NBAS: variants seen among roughly 807,000 people sequenced by gnomAD.
NBAS encodes NAG/BC035112 fusion.
In NBAS, 219 loss-of-function variants were observed where a neutral mutation model predicts 302.5. The observed-to-expected ratio is 0.72, with a 90% CI of 0.65 to 0.81. NBAS has a LOEUF of 0.81. NBAS is among the 30% of genes least tolerant of loss of function. The pLI is 0.00. For missense variants in NBAS, 2,932 were observed against 2,841.6 expected (o/e 1.03, Z -0.72); for synonymous variants, 1,118 against 1,021.6 (o/e 1.09, Z -1.80).
chr2:14,965,814 A>T, the NBAS span, among the ~76,000 whole-genome samples: 2 of 152,320 alleles, frequency 1.3e-5, no homozygotes, highest in South Asian at 4.1e-4. Context: ...CATATTTTTT[A>T]AAATAATACT....
chr2:15,122,034 G>C, the NBAS span, among the ~76,000 whole-genome samples: 1 of 152,166 alleles, frequency 6.6e-6, no homozygotes, highest in Admixed American at 6.5e-5. Context: ...GGAAGCCTGA[G>C]GCTCCTAAAT....
the NBAS span, among the ~76,000 whole-genome samples, chr2:14,849,058 G>T: frequency 4.5e-3 from 677 of 150,962 alleles, 9 homozygotes; most frequent in Admixed American, 0.031. Flanking sequence ...CACCAGCAAC[G>T]GAACAAAGCT....
At chr2:15,511,914 G>A (rs1662162707) in intron 9 of NBAS, among the ~76,000 whole-genome samples, 1 of 152,156 alleles carries the variant, frequency 6.6e-6, no homozygotes, top group Non-Finnish European at 1.5e-5. Flanking sequence ...AGGGCAAACA[G>A]CCTAACATAT....
At chr2:14,836,380 T>C in the NBAS span, among the ~76,000 whole-genome samples, 451 of 151,874 alleles carry the variant, frequency 3.0e-3, 3 homozygotes, top group African/African-American at 0.011. Context: ...ATAGAAGATA[T>C]TCTTCCAAAT....
intron 23 of NBAS, 144 bp from the exon 24 acceptor site, chr2:15,417,856 G>A: frequency 1.3e-6 from 1 of 757,446 alleles, no homozygotes; most frequent in Non-Finnish European, 2.1e-6. Flanking sequence ...TTTATTTACT[G>A]CAAAAACATC....
chr2:15,313,817 T>C (rs1671384776), intron 38 of NBAS, among the ~76,000 whole-genome samples: 1 of 152,204 alleles, frequency 6.6e-6, no homozygotes, highest in Non-Finnish European at 1.5e-5. Flanking sequence ...CAAAATTATT[T>C]TGACCAGTTA....
intron 7 of NBAS, among the ~76,000 whole-genome samples, chr2:15,536,888 T>C (rs1663546313): frequency 6.6e-6 from 1 of 152,230 alleles, no homozygotes; most frequent in Non-Finnish European, 1.5e-5. Context: ...TCTAAGAGCT[T>C]GTTTAAAGAT....
At chr2:15,504,043 T>C (rs755722312) in intron 11 of NBAS, 102 bp downstream of exon 11, 1 of 874,634 alleles carries the variant, frequency 1.1e-6, no homozygotes, top group Non-Finnish European at 2.0e-6. Flanking sequence ...TACACTCAGA[T>C]GAAGATACAA....
chr2:15,234,598 G>C lies in NBAS; in HGVS notation c.6093C>G (p.Ile2031Met), dbSNP rs1667510728. 6.2e-7 allele frequency: 1 copy of C among 1,613,984 alleles called. No homozygotes were observed. Among genetic ancestry groups the C allele is most frequent in the Non-Finnish European group, 8.5e-7 (1 of 1,180,014 alleles). Residue 2031 changes from isoleucine to methionine, a missense_variant, in exon 46 of 52, where the codon ATC (isoleucine) becomes ATG (methionine). Transcript: ENST00000281513. ...LLEVAVGPLD[I>M]SPKDIVQSAI... The stretch of plus-strand genomic sequence containing the variant: ...CACTCTGCACTATATCCTTGGGTGA[G>C]ATGTCAAGAGGGCCAACTGCCACCT...
intron 38 of NBAS, among the ~76,000 whole-genome samples, chr2:15,321,193 T>C (rs1378967645): frequency 6.6e-6 from 1 of 152,240 alleles, no homozygotes; most frequent in African/African-American, 2.4e-5. Flanking sequence ...GCTAGCCATA[T>C]GTAGAAAGCT....
At chr2:15,252,433 G>T (rs1668407389) in intron 44 of NBAS, among the ~76,000 whole-genome samples, 1 of 152,056 alleles carries the variant, frequency 6.6e-6, no homozygotes, top group South Asian at 2.1e-4. Context: ...GGGAGGTGGA[G>T]GTTGCAGTGA....
chr2:15,278,873 A>C (rs963506837), intron 42 of NBAS, among the ~76,000 whole-genome samples: 10 of 152,172 alleles, frequency 6.6e-5, no homozygotes, highest in African/African-American at 2.4e-4. Flanking sequence ...TTTGGCAGGA[A>C]GGAGTGAAGC....
intron 35 of NBAS, among the ~76,000 whole-genome samples, chr2:15,343,790 C>A (rs1312729931): frequency 6.6e-6 from 1 of 151,550 alleles, no homozygotes; most frequent in African/African-American, 2.4e-5. Flanking sequence ...TTTTTGCAAT[C>A]TTGGGTTAGG....
At chr2:15,149,709 AC>A in the NBAS span, among the ~76,000 whole-genome samples, 1 of 152,000 alleles carries the variant, frequency 6.6e-6, no homozygotes, top group Admixed American at 6.6e-5. Context: ...CAATCCTCCT[AC>A]CTCAGCCTCC....
the NBAS span, among the ~76,000 whole-genome samples, chr2:14,913,245 A>G: frequency 6.6e-6 from 1 of 152,206 alleles, no homozygotes; most frequent in Admixed American, 6.5e-5. Context: ...ATAAACGCAG[A>G]CCACAGGCCT....
intron 47 of NBAS, among the ~76,000 whole-genome samples, chr2:15,231,998 G>A (rs1667401855): frequency 6.6e-6 from 1 of 152,084 alleles, no homozygotes; most frequent in Admixed American, 6.5e-5. Context: ...TACACTTTGA[G>A]TCCTAAAACA....
the NBAS span, among the ~76,000 whole-genome samples, chr2:14,789,632 T>A: frequency 1.3e-5 from 2 of 152,210 alleles, no homozygotes; most frequent in Admixed American, 6.5e-5. Flanking sequence ...CAAACACATG[T>A]AGGCACAGAC....
the NBAS span, among the ~76,000 whole-genome samples, chr2:14,962,951 A>T: frequency 6.6e-6 from 1 of 152,132 alleles, no homozygotes; most frequent in African/African-American, 2.4e-5. Context: ...GAGAAAAAAA[A>T]AAACAAAAAA....
intron 9 of NBAS, among the ~76,000 whole-genome samples, chr2:15,532,227 C>T (rs771463299): frequency 3.1e-4 from 47 of 152,162 alleles, no homozygotes; most frequent in Non-Finnish European, 5.1e-4. Context: ...TGGTGGCTCA[C>T]GCCTGTAATC....
Sources: allele counts gnomAD v4.1 joint callset (sites outside exome capture counted in the v4.1 genomes callset), GRCh38; gene constraint gnomAD v4.1.1; transcripts MANE v1.5; gene names NCBI Gene and HGNC (gene_info 2026-07-23, HGNC 2026-07-21).